The following FBN2 variants were observed in gnomAD, a reference collection of about 807,000 sequenced individuals.
FBN2 encodes fibrillin-2.
FBN2 carries 105 observed loss-of-function variants against 355.6 expected under a neutral mutation model. The observed-to-expected ratio is 0.30, with a 90% confidence interval of 0.25 to 0.35. FBN2 has a LOEUF of 0.35. Ranked by LOEUF, FBN2 falls within the 10% of genes least tolerant of loss-of-function variation. The pLI is 1.00. For missense variants in FBN2, 3,280 were observed against 3,758.7 expected (o/e 0.87, Z 3.33); for synonymous variants, 1,350 against 1,301.2 (o/e 1.04, Z -0.81).
At chr5:128,511,574 G>C (rs1038676387) in intron 5 of FBN2, among the ~76,000 whole-genome samples, 3 of 152,146 alleles carry the variant, frequency 2.0e-5, no homozygotes, top group Non-Finnish European at 4.4e-5. Context: ...TGGAGTATAA[G>C]AAACACAAAG....
chr5:128,329,690 T>G (rs886784457), intron 33 of FBN2, among the ~76,000 whole-genome samples: 4 of 152,196 alleles, frequency 2.6e-5, no homozygotes, highest in African/African-American at 4.8e-5. Context: ...TTATGAAGCT[T>G]TAAAACTGAA....
At chr5:128,518,847 CT>C (rs1218374661) in intron 5 of FBN2, among the ~76,000 whole-genome samples, 1 of 152,128 alleles carries the variant, frequency 6.6e-6, no homozygotes, top group Admixed American at 6.5e-5. Flanking sequence ...TAGCTCGAGA[CT>C]TTTTGTTGTG....
rs776638871 is a variant in FBN2, at chr5:128,537,941, C to T, written c.-338G>A. ...CGGGCGGGGGAGGAAATTACAAAAG[C>T]CCTGGCGTAAAATTTCAAAAAATGT... is the stretch of plus-strand genomic sequence containing the variant. On this transcript the variant is annotated 5_prime_UTR_variant, in exon 1 of 65. Transcript: ENST00000262464. The T allele has an allele frequency of 4.8e-4, 183 of 381,878 alleles. No individual in the cohort carries two copies. Among genetic ancestry groups the T allele is most frequent in the Non-Finnish European group, 8.0e-4 (171 of 213,394 alleles). The allele number at this position is 381,878 out of a possible 1,614,324, so 23.7% of individuals were successfully genotyped here. A position where few individuals can be genotyped will look rare whatever the true frequency, so the allele number is the denominator to read the frequency against.
rs1298326974 is a variant in FBN2 at position 128,344,411 on chromosome 5, A to G, written c.3317T>C (p.Leu1106Pro). 3 of 1,613,898 alleles carry G rather than the reference A, an allele frequency of 1.9e-6. No homozygotes were observed. Among genetic ancestry groups the G allele is most frequent in the Non-Finnish European group, 2.5e-6 (3 of 1,179,762 alleles). ...CGTGCAGTTTCTTTCCTCCATGTCT[A>G]GAGCAAAGCCACTATTGCAACGGCA... Reference protein sequence around the residue: ...FKCRCNSGFALDMEERNCTDI... With the variant: ...FKCRCNSGFAPDMEERNCTDI... The change falls in exon 25 of 65, where the codon CTA (leucine) becomes CCA (proline). Residue 1106 changes from leucine (L) to proline (P), a missense_variant. This residue lies in a region of FBN2 where 2,284 missense variants were observed against 2,749.5 expected (regional missense o/e 0.83). Coordinates refer to ENST00000262464, the MANE Select transcript of FBN2 (RefSeq NM_001999.4).
chr5:128,275,003 A>C (rs1765353682), intron 59 of FBN2, among the ~76,000 whole-genome samples: 1 of 152,238 alleles, frequency 6.6e-6, no homozygotes, highest in South Asian at 2.1e-4. Flanking sequence ...TGAATGCAGT[A>C]TAGTACATGG....
At position 128,383,862 on chromosome 5, in the gene FBN2, A is replaced by G. The variant is rs376061763; in HGVS notation, c.1604-4972T>C. On this transcript the variant is annotated intron_variant, in intron 11 of 64. Coordinates refer to ENST00000262464, the MANE Select transcript of FBN2 (RefSeq NM_001999.4). ...ATACTCTCATACACTGCTGCTAGAAATGTAAAATAGCACATTTTGGCAGTT... is the reference window on the plus strand; with the variant it reads ...ATACTCTCATACACTGCTGCTAGAAGTGTAAAATAGCACATTTTGGCAGTT... Among the ~76,000 whole-genome samples the G allele has an allele frequency of 2.0e-5, 3 of 152,128 alleles. No homozygotes were observed. In the East Asian group the frequency reaches 5.8e-4, roughly 29 times the overall value.
intron 2 of FBN2, among the ~76,000 whole-genome samples, chr5:128,535,091 T>TGCA (rs1352293352): frequency 6.6e-6 from 1 of 152,212 alleles, no homozygotes; most frequent in Non-Finnish European, 1.5e-5. Context: ...GAGAAAAGAA[T>TGCA]GCAGAACATG....
intron 4 of FBN2, among the ~76,000 whole-genome samples, chr5:128,524,109 C>T (rs539333959): frequency 6.6e-6 from 1 of 152,116 alleles, no homozygotes; most frequent in East Asian, 1.9e-4. Flanking sequence ...TCAATTCTTA[C>T]CATTTTCCCT....
intron 58 of FBN2, among the ~76,000 whole-genome samples, chr5:128,276,680 G>A (rs560987657): frequency 2.6e-5 from 4 of 152,142 alleles, no homozygotes; most frequent in Non-Finnish European, 4.4e-5. Context: ...TCTGTCTTCT[G>A]TCTGGCCCTT....
intron 5 of FBN2, among the ~76,000 whole-genome samples, chr5:128,486,325 A>G (rs550998773): frequency 1.3e-5 from 2 of 152,192 alleles, no homozygotes; most frequent in East Asian, 1.9e-4. Flanking sequence ...ATGGAACACA[A>G]TATGACAAAC....
intron 34 of FBN2, chr5:128,328,383 G>T: frequency 1.7e-6 from 1 of 585,092 alleles, no homozygotes; most frequent in Non-Finnish European, 3.0e-6. Context: ...TACTTTAAAA[G>T]CTGAATAGTT....
At chr5:128,351,836 G>T (rs1389636503) in intron 20 of FBN2, among the ~76,000 whole-genome samples, 1 of 150,980 alleles carries the variant, frequency 6.6e-6, no homozygotes, top group Non-Finnish European at 1.5e-5. Context: ...AAAGTGTTAG[G>T]ATTACAGGCA....
At chr5:128,328,935 A>T (rs1750624030) in intron 33 of FBN2, 114 bp from the exon 34 acceptor site, 2 of 1,070,826 alleles carry the variant, frequency 1.9e-6, no homozygotes, top group East Asian at 4.9e-5. Flanking sequence ...CATTAACATG[A>T]AACAACAGTT....
chr5:128,535,008 T>C (rs1038818713), intron 2 of FBN2, among the ~76,000 whole-genome samples: 3 of 152,210 alleles, frequency 2.0e-5, no homozygotes, highest in Non-Finnish European at 4.4e-5. Context: ...AAAGCAGCCA[T>C]GGTAATGCCC....
At chr5:128,274,757 G>T in intron 59 of FBN2, 74 bp from the exon 60 acceptor site, 1 of 908,736 alleles carries the variant, frequency 1.1e-6, no homozygotes, top group South Asian at 1.3e-5. Flanking sequence ...GAAGCCACAG[G>T]AGATGCACAT....
chr5:128,347,113 G>C (rs1377096461), intron 23 of FBN2, among the ~76,000 whole-genome samples: 1 of 152,174 alleles, frequency 6.6e-6, no homozygotes, highest in Non-Finnish European at 1.5e-5. Flanking sequence ...ATAAGTACAG[G>C]TGGCCTAAGA....
intron 55 of FBN2, among the ~76,000 whole-genome samples, chr5:128,280,899 C>T (rs1765522386): frequency 6.6e-6 from 1 of 152,064 alleles, no homozygotes; most frequent in East Asian, 1.9e-4. Flanking sequence ...CACTAAAATT[C>T]TCTATATCCT....
At chr5:128,371,421 TTCTC>T (rs955891876) in intron 15 of FBN2, among the ~76,000 whole-genome samples, 9 of 152,012 alleles carry the variant, frequency 5.9e-5, no homozygotes, top group East Asian at 3.9e-4. Flanking sequence ...CTCTCCTTCT[TTCTC>T]TCTCTTTTTC....
chr5:128,429,661 A>G (rs191514950), intron 7 of FBN2, among the ~76,000 whole-genome samples: 149 of 152,350 alleles, frequency 9.8e-4, no homozygotes, highest in African/African-American at 3.3e-3. Flanking sequence ...GAAATATTTT[A>G]AAATGTATAA....
Sources: allele counts gnomAD v4.1 joint callset (sites outside exome capture counted in the v4.1 genomes callset), GRCh38; gene constraint gnomAD v4.1.1; regional missense constraint gnomAD v4.1.1; transcripts MANE v1.5; gene names NCBI Gene and HGNC (gene_info 2026-07-23, HGNC 2026-07-21).